Variants in MAN2A1 observed in about 807,000 individuals in gnomAD.
MAN2A1 encodes alpha-mannosidase 2.
MAN2A1 carries 76 observed loss-of-function variants against 142.6 expected under a neutral mutation model. The observed-to-expected ratio is 0.53, with a 90% confidence interval of 0.44 to 0.65. The LOEUF is 0.65. Ranked by LOEUF, MAN2A1 falls within the 30% of genes least tolerant of loss-of-function variation. The probability of loss-of-function intolerance (pLI) is 0.00; values close to 1 mark genes in which losing one functional copy is unlikely to be tolerated. For synonymous variants in MAN2A1, 559 were observed against 473.2 expected, an observed-to-expected ratio of 1.18 and a Z score of -2.35; for missense variants, 1,311 against 1,365.1, an observed-to-expected ratio of 0.96 and a Z score of 0.62.
At chr5:109,750,170 T>C (rs1303152989) in intron 4 of MAN2A1, among the ~76,000 whole-genome samples, 1 of 152,060 alleles carries the variant, frequency 6.6e-6, no homozygotes, top group African/African-American at 2.4e-5. Flanking sequence ...TCTTTGTTTT[T>C]TGGGGACTAT....
chr5:109,726,804 T>A (rs1751757680), intron 3 of MAN2A1, among the ~76,000 whole-genome samples: 1 of 152,242 alleles, frequency 6.6e-6, no homozygotes, highest in South Asian at 2.1e-4. Context: ...ACTGGAGTTT[T>A]ATTATCAAAT....
chr5:109,809,121 T>G (rs894805280), intron 12 of MAN2A1, among the ~76,000 whole-genome samples: 3 of 152,168 alleles, frequency 2.0e-5, no homozygotes, highest in Non-Finnish European at 4.4e-5. Context: ...GTATAAAGTA[T>G]GAAAAATAAT....
intron 12 of MAN2A1, among the ~76,000 whole-genome samples, chr5:109,804,765 A>G (rs1754121052): frequency 6.6e-6 from 1 of 152,200 alleles, no homozygotes; most frequent in Non-Finnish European, 1.5e-5. Flanking sequence ...ATTCACCTGG[A>G]AACCTCACAC....
intron 4 of MAN2A1, among the ~76,000 whole-genome samples, chr5:109,753,989 G>A (rs1033408589): frequency 6.7e-6 from 1 of 150,258 alleles, no homozygotes; most frequent in Non-Finnish European, 1.5e-5. Flanking sequence ...GCTCACTGCA[G>A]CCTCAAACTC....
chr5:109,817,366 A>G lies in MAN2A1; in HGVS notation c.2037A>G (p.Ser679=). The G allele has an allele frequency of 6.2e-7, 1 of 1,614,160 alleles. No homozygotes were observed. Among genetic ancestry groups the G allele is most frequent in the East Asian group, 2.2e-5 (1 of 44,878 alleles). Residue 679 remains serine, a synonymous_variant, in exon 13 of 22, where the codon TCA becomes TCG. Coordinates refer to ENST00000261483, the MANE Select transcript of MAN2A1 (RefSeq NM_002372.4). ...SSPTVQVFSA[S]GKPVEVQVSA... ...CGACAGTGCAAGTGTTCTCTGCTTC[A>G]GGAAAACCTGTGGAAGTTCAAGTCA...
Position 109,781,520 on chromosome 5 carries a change from A to G in MAN2A1, c.1499A>G (p.Asp500Gly), listed in dbSNP as rs551841689. Residue 500 changes from aspartate to glycine, a missense_variant, in exon 9 of 22, where the codon GAT becomes GGT. This residue lies in a region of MAN2A1 where 890 missense variants were observed against 920.5 expected (regional missense o/e 0.97). Transcript: ENST00000261483. ...GATTTTTTCACTTATGCCGATCGAG[A>G]TGATCATTACTGGAGTGGCTATTTT... ...SGDFFTYADRDDHYWSGYFTS... is the reference protein window; with the variant it reads ...SGDFFTYADRGDHYWSGYFTS... The G allele has an allele frequency of 4.3e-6, 7 of 1,613,372 alleles. No individual in the cohort carries two copies. Among genetic ancestry groups the G allele is most frequent in the Admixed American group, 3.3e-5 (2 of 59,858 alleles).
chr5:109,770,372 G>C lies in MAN2A1; in HGVS notation c.1027G>C (p.Asp343His). ...TATTTTAGATCTGGGATCTGTCACA[G>C]ATATTTTATGCCACATGATGCCCTT... ...RQNWDLGSVTDILCHMMPFYS... is the reference protein window; with the variant it reads ...RQNWDLGSVTHILCHMMPFYS... Residue 343 changes from aspartate (D) to histidine (H), a missense_variant, in exon 7 of 22, where the codon GAT becomes CAT. Coordinates refer to ENST00000261483, the MANE Select transcript of MAN2A1 (RefSeq NM_002372.4). 6.2e-7 allele frequency: 1 copy of C among 1,613,618 alleles called. No homozygotes were observed. The highest frequency in any genetic ancestry group is 8.5e-7 in the Non-Finnish European group (1 of 1,179,684).
chr5:109,710,855 T>C (rs541156354), intron 1 of MAN2A1, among the ~76,000 whole-genome samples: 2 of 152,312 alleles, frequency 1.3e-5, no homozygotes, highest in East Asian at 3.9e-4. Context: ...CATGTCCAGC[T>C]AATTTTGTAT....
chr5:109,799,957 A>G (rs1366806879), intron 12 of MAN2A1, among the ~76,000 whole-genome samples: 1 of 151,756 alleles, frequency 6.6e-6, no homozygotes, highest in Non-Finnish European at 1.5e-5. Flanking sequence ...GAGTGGTAGC[A>G]TGCACCTGTA....
At chr5:109,835,046 CATT>C (rs939449480) in intron 16 of MAN2A1, among the ~76,000 whole-genome samples, 3 of 151,816 alleles carry the variant, frequency 2.0e-5, no homozygotes, top group Non-Finnish European at 4.4e-5. Flanking sequence ...CTCAGTTTGT[CATT>C]GTTGTGAGAA....
intron 1 of MAN2A1, among the ~76,000 whole-genome samples, chr5:109,702,309 C>T (rs1305819171): frequency 7.7e-6 from 1 of 130,010 alleles, no homozygotes; most frequent in Admixed American, 8.0e-5. Context: ...TAAGACAGAA[C>T]ATAAATTGTG....
chr5:109,826,714 T>C (rs1754769871), intron 16 of MAN2A1, among the ~76,000 whole-genome samples: 1 of 152,236 alleles, frequency 6.6e-6, no homozygotes, highest in Non-Finnish European at 1.5e-5. Flanking sequence ...CCATGATAGA[T>C]ATACGAAGTC....
intron 1 of MAN2A1, among the ~76,000 whole-genome samples, chr5:109,693,989 C>A (rs1248158764): frequency 6.6e-6 from 1 of 152,168 alleles, no homozygotes; most frequent in South Asian, 2.1e-4. Flanking sequence ...GTTAAGGTCT[C>A]CCTGAAATTA....
At chr5:109,846,947 G>T (rs769112724) in intron 18 of MAN2A1, among the ~76,000 whole-genome samples, 2 of 152,186 alleles carry the variant, frequency 1.3e-5, no homozygotes, top group African/African-American at 2.4e-5. Flanking sequence ...GCATGTTCCC[G>T]ATGTGCAGTG....
intron 2 of MAN2A1, among the ~76,000 whole-genome samples, chr5:109,715,581 C>T (rs1751430379): frequency 6.6e-6 from 1 of 151,684 alleles, no homozygotes; most frequent in African/African-American, 2.4e-5. Context: ...CCTGGTTGAC[C>T]CTGTTGTAGT....
Position 109,789,007 on chromosome 5 carries a change from C to T in MAN2A1, c.1834C>T (p.Leu612Phe). ...SAFLLILKDKLTYDSYSPDTF... is the reference protein window; with the variant it reads ...SAFLLILKDKFTYDSYSPDTF... ...ATTTCTTCTTATTTTGAAGGACAAACTCACATACGACTCTTACTCTCCTGA... is the reference window on the plus strand; with the variant it reads ...ATTTCTTCTTATTTTGAAGGACAAATTCACATACGACTCTTACTCTCCTGA... Residue 612 changes from leucine to phenylalanine, a missense_variant, in exon 11 of 22, where the codon CTC (leucine) becomes TTC (phenylalanine). Transcript: ENST00000261483. The T allele has an allele frequency of 6.2e-7, 1 of 1,603,252 alleles. No individual in the cohort carries two copies. The highest frequency in any genetic ancestry group is 1.1e-5 in the South Asian group (1 of 90,318).
intron 16 of MAN2A1, among the ~76,000 whole-genome samples, chr5:109,833,003 C>T (rs1202919593): frequency 5.3e-5 from 8 of 151,428 alleles, no homozygotes; most frequent in South Asian, 2.1e-4. Flanking sequence ...GGGTCACGGC[C>T]GGGCAGAGGC....
chr5:109,757,913 G>T (rs1474447572), intron 5 of MAN2A1, among the ~76,000 whole-genome samples: 1 of 152,070 alleles, frequency 6.6e-6, no homozygotes, highest in African/African-American at 2.4e-5. Context: ...CTGTTGTATG[G>T]ATATACCAGA....
intron 20 of MAN2A1, among the ~76,000 whole-genome samples, chr5:109,858,519 G>C (rs1755680523): frequency 6.6e-6 from 1 of 152,190 alleles, no homozygotes; most frequent in Non-Finnish European, 1.5e-5. Context: ...CTGTTTCTGT[G>C]TGCTGGAAGC....
Sources: allele counts gnomAD v4.1 joint callset (sites outside exome capture counted in the v4.1 genomes callset), GRCh38; gene constraint gnomAD v4.1.1; regional missense constraint gnomAD v4.1.1; transcripts MANE v1.5; gene names NCBI Gene and HGNC (gene_info 2026-07-23, HGNC 2026-07-21).